The following WWOX variants were observed in gnomAD, a reference collection of about 807,000 sequenced individuals.
WWOX encodes the protein WW domain-containing oxidoreductase.
Under a neutral mutation model 46.2 loss-of-function variants are expected in WWOX, and 69 were observed. That is an observed-to-expected ratio of 1.49 (90% CI 1.23 to 1.82). The LOEUF is 1.82. WWOX is among the 40% of genes most tolerant of loss of function. WWOX has a pLI of 0.00. For synonymous variants in WWOX, 359 were observed against 202.6 expected (o/e 1.77, Z -6.56); for missense variants, 919 against 542.6 (o/e 1.69, Z -6.89).
intron 8 of WWOX, among the ~76,000 whole-genome samples, chr16:78,641,372 A>G (rs2046706422): frequency 6.6e-6 from 1 of 152,036 alleles, no homozygotes; most frequent in Admixed American, 6.6e-5. Flanking sequence ...ATACCCTTTA[A>G]TTGCTGCACT....
chr16:78,961,523 G>A (rs959948270), intron 8 of WWOX, among the ~76,000 whole-genome samples: 2 of 151,928 alleles, frequency 1.3e-5, no homozygotes, highest in East Asian at 1.9e-4. Flanking sequence ...AATGGTGGGT[G>A]GTAGGTGGGT....
chr16:78,490,700 C>T (rs756356673), intron 8 of WWOX, among the ~76,000 whole-genome samples: 5 of 152,146 alleles, frequency 3.3e-5, no homozygotes, highest in East Asian at 1.9e-4. Context: ...CTCAGTTCTC[C>T]GTCCTGCAGC....
chr16:79,117,951 G>A (rs185687592), intron 8 of WWOX, among the ~76,000 whole-genome samples: 3 of 152,326 alleles, frequency 2.0e-5, no homozygotes, highest in Non-Finnish European at 2.9e-5. Flanking sequence ...CTTCATATGG[G>A]TGATAACGCT....
At chr16:78,604,791 C>CTTCCT (rs1274787309) in intron 8 of WWOX, among the ~76,000 whole-genome samples, 1 of 1,360 alleles carries the variant, frequency 7.4e-4, no homozygotes, top group Non-Finnish European at 1.4e-3. Flanking sequence ...CCCTCCTTCC[C>CTTCCT]CCCTCCCTCC....
chr16:78,790,833 A>G (rs1251220209), intron 8 of WWOX, among the ~76,000 whole-genome samples: 2 of 151,906 alleles, frequency 1.3e-5, no homozygotes, highest in African/African-American at 4.8e-5. Flanking sequence ...AGCCTGGGCA[A>G]CATGGTGAAA....
At chr16:79,001,885 G>A (rs1021722969) in intron 8 of WWOX, among the ~76,000 whole-genome samples, 2 of 152,138 alleles carry the variant, frequency 1.3e-5, no homozygotes, top group African/African-American at 4.8e-5. Flanking sequence ...TCTTTCTAGA[G>A]CAACCTCTTG....
At chr16:78,993,745 A>G (rs2046934258) in intron 8 of WWOX, among the ~76,000 whole-genome samples, 1 of 152,210 alleles carries the variant, frequency 6.6e-6, no homozygotes, top group South Asian at 2.1e-4. Context: ...ATATTTATAT[A>G]ACACACTCGC....
intron 8 of WWOX, chr16:78,892,078 G>T (rs547454524): frequency 6.6e-6 from 1 of 152,248 alleles, no homozygotes; most frequent in East Asian, 1.9e-4. Flanking sequence ...TCCTTGCTTA[G>T]TGAATGTCTT....
intron 8 of WWOX, among the ~76,000 whole-genome samples, chr16:78,805,932 T>G (rs1210113806): frequency 1.3e-5 from 2 of 152,178 alleles, no homozygotes; most frequent in Non-Finnish European, 2.9e-5. Context: ...TTTTGAACAT[T>G]AGGGAATAAC....
At chr16:79,065,666 C>T (rs996529218) in intron 8 of WWOX, among the ~76,000 whole-genome samples, 3 of 152,226 alleles carry the variant, frequency 2.0e-5, no homozygotes, top group Non-Finnish European at 4.4e-5. Flanking sequence ...AGACCCCTCT[C>T]CTAATCCTAA....
chr16:78,176,282 G>A (rs2035342161), intron 5 of WWOX, among the ~76,000 whole-genome samples: 1 of 152,136 alleles, frequency 6.6e-6, no homozygotes, highest in Non-Finnish European at 1.5e-5. Flanking sequence ...AGTGAGACTG[G>A]CCCCACTCAT....
Position 78,630,868 on chromosome 16 carries a change from T to G in WWOX, c.1056+198116T>G, listed in dbSNP as rs2550611. On this transcript the variant is annotated intron_variant, in intron 8 of 8. Coordinates refer to ENST00000566780, the MANE Select transcript of WWOX (RefSeq NM_016373.4). ...GGGTGAATGAACGAAAGAGGCCATA[T>G]GCAGTCAGCCCCCCTCTCTCTGGGT... Among the ~76,000 whole-genome samples, 7 of 123,450 alleles carry G rather than the reference T, an allele frequency of 5.7e-5. No homozygotes were observed. In the East Asian group the frequency reaches 1.6e-3, roughly 28 times the overall value. 81.0% of individuals were successfully genotyped at this position (123,450 alleles called of 152,430 possible).
At chr16:78,938,409 C>G (rs1057001855) in intron 8 of WWOX, among the ~76,000 whole-genome samples, 6 of 151,920 alleles carry the variant, frequency 3.9e-5, no homozygotes, top group African/African-American at 1.5e-4. Context: ...GAGGCCCAGA[C>G]ACAGAGAGCT....
At chr16:79,209,946 C>T (rs12449081) in intron 8 of WWOX, among the ~76,000 whole-genome samples, 26,268 of 152,162 alleles carry the variant, frequency 0.17, 2,516 homozygotes, top group East Asian at 0.31. Flanking sequence ...AAAGAAACAG[C>T]TGAATCCAGG....
At chr16:79,080,998 A>C (rs1006619464) in intron 8 of WWOX, among the ~76,000 whole-genome samples, 3 of 152,180 alleles carry the variant, frequency 2.0e-5, no homozygotes, top group African/African-American at 7.2e-5. Flanking sequence ...AAACACACAC[A>C]CGCACATGCA....
At chr16:78,541,028 T>G (rs1359715748) in intron 8 of WWOX, among the ~76,000 whole-genome samples, 1 of 151,944 alleles carries the variant, frequency 6.6e-6, no homozygotes, top group Non-Finnish European at 1.5e-5. Flanking sequence ...GTTGGGGAGG[T>G]GGCGTGGGTA....
At chr16:78,851,386 C>T (rs746467575) in intron 8 of WWOX, among the ~76,000 whole-genome samples, 28 of 152,176 alleles carry the variant, frequency 1.8e-4, no homozygotes, top group Non-Finnish European at 3.5e-4. Flanking sequence ...AAAGAGTTTA[C>T]TTATAGGCAG....
chr16:79,180,747 A>G (rs944508126), intron 8 of WWOX, among the ~76,000 whole-genome samples: 7 of 151,384 alleles, frequency 4.6e-5, no homozygotes, highest in Non-Finnish European at 8.8e-5. Flanking sequence ...GTGTATATCT[A>G]TTCATCTATC....
rs143828435 is a variant in WWOX at position 78,431,963 on chromosome 16, G to A, written c.792-525G>A. 8.8e-3 allele frequency among the ~76,000 whole-genome samples: 1,332 copies of A among 152,142 alleles called. 18 individuals carry two copies. The highest frequency in any genetic ancestry group is 0.031 in the African/African-American group (1,266 of 41,506). On this transcript the variant is annotated intron_variant, in intron 7 of 8. Coordinates refer to ENST00000566780, the MANE Select transcript of WWOX (RefSeq NM_016373.4). The stretch of plus-strand genomic sequence containing the variant: ...ACTCCTACACTCAAGCAATCCTCCC[G>A]CCTCAGCTTCCTAAAGTGCTGGGAT...
Sources: allele counts gnomAD v4.1 joint callset (sites outside exome capture counted in the v4.1 genomes callset), GRCh38; gene constraint gnomAD v4.1.1; transcripts MANE v1.5; gene names NCBI Gene and HGNC (gene_info 2026-07-23, HGNC 2026-07-21).